The following LRFN2 variants were observed in gnomAD, a reference collection of about 807,000 sequenced individuals.
LRFN2 encodes leucine rich repeat and fibronectin type III domain containing 2, also known as leucine-rich repeat and fibronectin type-III domain-containing protein 2.
Under a neutral mutation model 37.3 loss-of-function variants are expected in LRFN2, and 18 were observed. The observed-to-expected ratio is 0.48, with a 90% CI of 0.33 to 0.72. The LOEUF is 0.72. LRFN2 is among the 30% of genes least tolerant of loss of function. LRFN2 has a pLI of 0.02. For synonymous variants in LRFN2, 556 were observed against 466.6 expected, an observed-to-expected ratio of 1.19 and a Z score of -2.47; for missense variants, 1,006 against 1,060.7, an observed-to-expected ratio of 0.95 and a Z score of 0.72.
chr6:40,570,974 T>A (rs114105494), intron 1 of LRFN2, among the ~76,000 whole-genome samples: 1,568 of 152,264 alleles, frequency 0.01, 36 homozygotes, highest in African/African-American at 0.036. Context: ...GTGTGCGCAT[T>A]GTCTATGGGA....
rs576490275 is a variant in LRFN2, at chr6:40,432,979, A to G, written c.135T>C (p.Phe45=). ...GTLCPSKGLL[F]VPPDIDRRTV... The stretch of plus-strand genomic sequence containing the variant: ...TCCGCCGGTCAATATCAGGGGGTAC[A>G]AAGAGCAGCCCCTTGGAGGGGCACA... Residue 45 remains phenylalanine (F), a synonymous_variant, in exon 2 of 3, where the codon TTT becomes TTC. Coordinates refer to ENST00000338305, the MANE Select transcript of LRFN2 (RefSeq NM_020737.3). 1 of 1,612,792 alleles carries G rather than the reference A, an allele frequency of 6.2e-7. No individual in the cohort carries two copies. The highest frequency in any genetic ancestry group is 1.1e-5 in the South Asian group (1 of 90,908).
chr6:40,538,042 C>G (rs1172916302), intron 1 of LRFN2, among the ~76,000 whole-genome samples: 1 of 152,178 alleles, frequency 6.6e-6, no homozygotes, highest in Non-Finnish European at 1.5e-5. Flanking sequence ...ACCCCCGGGA[C>G]CCTCCCACAA....
intron 2 of LRFN2, among the ~76,000 whole-genome samples, chr6:40,415,085 A>T (rs1429347268): frequency 6.6e-6 from 1 of 152,218 alleles, no homozygotes; most frequent in Admixed American, 6.5e-5. Flanking sequence ...ACCTGCACAC[A>T]TCTGAGGCAA....
At chr6:40,393,027 A>T in intron 2 of LRFN2, 115 bp from the exon 3 acceptor site, 2 of 710,806 alleles carry the variant, frequency 2.8e-6, no homozygotes, top group South Asian at 3.6e-5. Context: ...GAGGGGAGGG[A>T]GGCCAAGACA....
chr6:40,542,588 C>A (rs115176690), intron 1 of LRFN2, among the ~76,000 whole-genome samples: 169 of 152,194 alleles, frequency 1.1e-3, no homozygotes, highest in African/African-American at 3.4e-3. Flanking sequence ...CCAGTGGGGG[C>A]TCTGCACCCT....
rs545440435 is a variant in LRFN2 at position 40,410,731 on chromosome 6, C to A, written c.1401-17819G>T. Among the ~76,000 whole-genome samples the A allele has an allele frequency of 3.9e-5, 6 of 152,308 alleles. No individual in the cohort carries two copies. In the East Asian group the frequency reaches 9.6e-4, roughly 24 times the overall value. On this transcript the variant is annotated intron_variant, in intron 2 of 2. Coordinates refer to ENST00000338305, the MANE Select transcript of LRFN2 (RefSeq NM_020737.3). ...ATTCCACCCACCTCGCAGCAGGACCCCTCCTGGTGGCAGAAGATGAGCCGC... is the reference window on the plus strand; with the variant it reads ...ATTCCACCCACCTCGCAGCAGGACCACTCCTGGTGGCAGAAGATGAGCCGC...
intron 1 of LRFN2, among the ~76,000 whole-genome samples, chr6:40,522,564 C>G (rs547121089): frequency 2.0e-5 from 3 of 152,164 alleles, no homozygotes; most frequent in Non-Finnish European, 4.4e-5. Context: ...CTGCCCCTAA[C>G]AACAGGTGAC....
intron 1 of LRFN2, among the ~76,000 whole-genome samples, chr6:40,567,778 G>C (rs899333643): frequency 6.6e-6 from 1 of 152,182 alleles, no homozygotes; most frequent in Non-Finnish European, 1.5e-5. Flanking sequence ...AGCCTACCTT[G>C]AGGAGTTCTG....
chr6:40,535,554 C>T (rs951225128), intron 1 of LRFN2, among the ~76,000 whole-genome samples: 1 of 152,142 alleles, frequency 6.6e-6, no homozygotes, highest in Non-Finnish European at 1.5e-5. Flanking sequence ...GACATGACCC[C>T]ATTAACCACC....
intron 1 of LRFN2, among the ~76,000 whole-genome samples, chr6:40,545,006 C>T (rs115737049): frequency 0.014 from 2,082 of 152,280 alleles, 15 homozygotes; most frequent in Non-Finnish European, 0.019. Flanking sequence ...AATCCTGCTT[C>T]GCCATTTACT....
At chr6:40,539,178 C>T (rs1766506254) in intron 1 of LRFN2, among the ~76,000 whole-genome samples, 1 of 152,150 alleles carries the variant, frequency 6.6e-6, no homozygotes, top group Non-Finnish European at 1.5e-5. Flanking sequence ...AGGGCCAGAC[C>T]TCAGAGGGCA....
At chr6:40,538,957 G>T (rs1268362964) in intron 1 of LRFN2, among the ~76,000 whole-genome samples, 1 of 152,178 alleles carries the variant, frequency 6.6e-6, no homozygotes, top group Non-Finnish European at 1.5e-5. Flanking sequence ...TGCACCCCAG[G>T]TATTCACCTC....
chr6:40,415,708 C>T (rs1009197002), intron 2 of LRFN2, among the ~76,000 whole-genome samples: 2 of 152,124 alleles, frequency 1.3e-5, no homozygotes, highest in Admixed American at 6.5e-5. Context: ...CTGGGAGATG[C>T]GAGTTGCAGG....
At chr6:40,462,037 C>T (rs1355817179) in intron 1 of LRFN2, among the ~76,000 whole-genome samples, 1 of 152,166 alleles carries the variant, frequency 6.6e-6, no homozygotes, top group Non-Finnish European at 1.5e-5. Flanking sequence ...TGAGCAAATG[C>T]AAAACGTGCA....
At chr6:40,473,026 A>G (rs1202745995) in intron 1 of LRFN2, among the ~76,000 whole-genome samples, 1 of 151,994 alleles carries the variant, frequency 6.6e-6, no homozygotes, top group African/African-American at 2.4e-5. Context: ...AGGGGACACA[A>G]AATACACACC....
At chr6:40,431,207 T>C (rs372640319) in intron 2 of LRFN2, among the ~76,000 whole-genome samples, 1 of 152,070 alleles carries the variant, frequency 6.6e-6, no homozygotes, top group African/African-American at 2.4e-5. Flanking sequence ...ATCTTACAGA[T>C]GAGAAAACTG....
intron 1 of LRFN2, among the ~76,000 whole-genome samples, chr6:40,503,465 G>A (rs1036314420): frequency 1.3e-5 from 2 of 152,208 alleles, no homozygotes; most frequent in Non-Finnish European, 2.9e-5. Flanking sequence ...ACAGAGCCAT[G>A]CAAGAAGACC....
chr6:40,572,536 G>A (rs773326332), intron 1 of LRFN2, among the ~76,000 whole-genome samples: 13 of 152,338 alleles, frequency 8.5e-5, no homozygotes, highest in East Asian at 3.9e-4. Flanking sequence ...ATATGACCCC[G>A]CAGCAGAGGA....
At chr6:40,486,313 G>A (rs1386541916) in intron 1 of LRFN2, among the ~76,000 whole-genome samples, 1 of 152,132 alleles carries the variant, frequency 6.6e-6, no homozygotes, top group East Asian at 1.9e-4. Flanking sequence ...GCCACCCAAT[G>A]AGTAATCTTA....
Sources: gnomAD v4.1 joint callset for allele counts (sites outside exome capture counted in the v4.1 genomes callset) on GRCh38, gnomAD v4.1.1 for gene constraint, MANE v1.5 for transcripts, NCBI Gene and HGNC (gene_info 2026-07-23, HGNC 2026-07-21) for gene names.